The following PLD5 variants were observed in gnomAD, a reference collection of about 807,000 sequenced individuals.
PLD5 encodes the protein inactive phospholipase D5.
In PLD5, 36 loss-of-function variants were observed where a neutral mutation model predicts 61.1. The observed-to-expected ratio is 0.59, with a 90% confidence interval of 0.45 to 0.78. The LOEUF (loss-of-function observed/expected upper bound fraction) is 0.78. Among genes scored for constraint, PLD5 ranks in the 30% least tolerant of loss-of-function variants. The pLI is 0.00. For missense variants in PLD5, 515 were observed against 644.4 expected (o/e 0.80, Z 2.17); for synonymous variants, 243 against 242.8 (o/e 1.00, Z -0.01).
chr1:242,327,417 TACTG>T (rs1202584118), intron 2 of PLD5, among the ~76,000 whole-genome samples: 1 of 152,212 alleles, frequency 6.6e-6, no homozygotes, highest in Non-Finnish European at 1.5e-5. Context: ...TAGAGTTCTT[TACTG>T]ACTGCTATTT....
At chr1:242,456,560 C>A (rs1394995555) in intron 1 of PLD5, among the ~76,000 whole-genome samples, 1 of 152,090 alleles carries the variant, frequency 6.6e-6, no homozygotes, top group African/African-American at 2.4e-5. Context: ...AGCAAGTTTG[C>A]ATATTTAGAA....
intron 5 of PLD5, among the ~76,000 whole-genome samples, chr1:242,212,871 G>T (rs1669920822): frequency 6.6e-6 from 1 of 152,162 alleles, no homozygotes; most frequent in African/African-American, 2.4e-5. Flanking sequence ...CCCCTGACGT[G>T]GCTCTTTCAA....
chr1:242,225,993 C>T (rs943918980), intron 4 of PLD5, among the ~76,000 whole-genome samples: 1 of 152,186 alleles, frequency 6.6e-6, no homozygotes, highest in African/African-American at 2.4e-5. Context: ...TGCATTCCCA[C>T]CAGCAATATC....
chr1:242,085,090 G>A lies in PLD5; in HGVS notation c.*4764C>T, dbSNP rs1045890765. On this transcript the variant is annotated 3_prime_UTR_variant, in exon 10 of 10. Transcript: ENST00000536534. Reference sequence around the variant, plus strand: ...AAACCCATTTATTTAGGGATCTTAAGGTTAATAATATAGATATGTCCAGGT... The same window carrying A: ...AAACCCATTTATTTAGGGATCTTAAAGTTAATAATATAGATATGTCCAGGT... 10 of 151,900 alleles carry A rather than the reference G, an allele frequency of 6.6e-5. No homozygotes were observed. The highest frequency in any genetic ancestry group is 1.3e-4 in the Non-Finnish European group (9 of 68,004). 9.4% of individuals were successfully genotyped at this position (151,900 alleles called of 1,614,324 possible). A position where few individuals can be genotyped will look rare whatever the true frequency, so the allele number is the denominator to read the frequency against.
chr1:242,285,881 G>A (rs2149134056), intron 3 of PLD5, among the ~76,000 whole-genome samples: 1 of 152,276 alleles, frequency 6.6e-6, no homozygotes, highest in East Asian at 1.9e-4. Flanking sequence ...GCCAAGGCGG[G>A]TGGATCACTT....
At chr1:242,264,959 G>A (rs1273143900) in intron 4 of PLD5, among the ~76,000 whole-genome samples, 2 of 152,062 alleles carry the variant, frequency 1.3e-5, no homozygotes, top group Non-Finnish European at 2.9e-5. Context: ...TAAATATATA[G>A]CGTGAAAAGG....
At chr1:242,519,332 C>T (rs1382622930) in intron 1 of PLD5, among the ~76,000 whole-genome samples, 1 of 152,186 alleles carries the variant, frequency 6.6e-6, no homozygotes, top group Non-Finnish European at 1.5e-5. Flanking sequence ...CAAGTGTGCA[C>T]TTGGCATTTA....
intron 5 of PLD5, among the ~76,000 whole-genome samples, chr1:242,219,662 CCT>C (rs1446869962): frequency 6.6e-6 from 1 of 152,126 alleles, no homozygotes; most frequent in Non-Finnish European, 1.5e-5. Context: ...TGTGTTTCCC[CCT>C]GTCTCATAGA....
chr1:242,126,968 C>A (rs963587581), intron 5 of PLD5, among the ~76,000 whole-genome samples: 54 of 150,542 alleles, frequency 3.6e-4, no homozygotes, highest in African/African-American at 1.3e-3. Flanking sequence ...AAGAAAAAAA[C>A]AACCCCATAA....
chr1:242,137,071 A>G (rs192990445), intron 5 of PLD5, among the ~76,000 whole-genome samples: 3 of 152,350 alleles, frequency 2.0e-5, no homozygotes, highest in Non-Finnish European at 2.9e-5. Flanking sequence ...CAGCAGGGGA[A>G]AACAGAAAGA....
chr1:242,438,788 A>G (rs78275490), intron 1 of PLD5, among the ~76,000 whole-genome samples: 8,390 of 152,230 alleles, frequency 0.055, 694 homozygotes, highest in African/African-American at 0.18. Flanking sequence ...AAGGGGAGTC[A>G]GGGTGCTGTC....
intron 1 of PLD5, among the ~76,000 whole-genome samples, chr1:242,464,112 T>C (rs1469677967): frequency 6.6e-6 from 1 of 152,212 alleles, no homozygotes; most frequent in African/African-American, 2.4e-5. Context: ...TCCTCCTCCT[T>C]GACACAATTT....
In PLD5 at chr1:242,517,033, A is replaced by T. The variant is rs536427410; in HGVS notation, c.189+7055T>A. Among the ~76,000 whole-genome samples the T allele has an allele frequency of 5.8e-4, 88 of 152,346 alleles. 1 individual carries two copies. Among genetic ancestry groups the T allele is most frequent in the African/African-American group, 2.0e-3 (85 of 41,598 alleles). On this transcript the variant is annotated intron_variant, in intron 1 of 9. Transcript: ENST00000536534. ...AATTTCTAATAACTAAATTTTGCCT[A>T]TTGGCTTTGAATCCAGTGGTCCTGA...
chr1:242,316,713 G>A (rs1658017981), intron 2 of PLD5, among the ~76,000 whole-genome samples: 1 of 152,074 alleles, frequency 6.6e-6, no homozygotes, highest in South Asian at 2.1e-4. Context: ...TCATCACCCA[G>A]GTATTAAGCC....
At chr1:242,503,277 G>A (rs549758114) in intron 1 of PLD5, among the ~76,000 whole-genome samples, 1 of 152,082 alleles carries the variant, frequency 6.6e-6, no homozygotes, top group African/African-American at 2.4e-5. Context: ...GATCACGCGA[G>A]ATCTGGTTGT....
At position 242,104,522 on chromosome 1, in the gene PLD5, C is replaced by T. The variant is rs893205575; in HGVS notation, c.1239+3149G>A. Among the ~76,000 whole-genome samples the T allele has an allele frequency of 5.9e-5, 9 of 152,134 alleles. 1 individual carries two copies. The highest frequency in any genetic ancestry group is 8.8e-5 in the Non-Finnish European group (6 of 68,024). ...CTTCTACATGCAGACGCCATGGAGA[C>T]ATGTTTAAGAGCTCAGGTTCTGGAG... On this transcript the variant is annotated intron_variant, in intron 8 of 9. Transcript: ENST00000536534.
At chr1:242,213,288 G>C (rs1271420872) in intron 5 of PLD5, among the ~76,000 whole-genome samples, 4 of 152,140 alleles carry the variant, frequency 2.6e-5, no homozygotes, top group Non-Finnish European at 5.9e-5. Context: ...GTCCTACCAT[G>C]TGTCAGTATC....
At chr1:242,169,588 C>A (rs527848942) in intron 5 of PLD5, among the ~76,000 whole-genome samples, 4 of 152,248 alleles carry the variant, frequency 2.6e-5, no homozygotes, top group Admixed American at 1.3e-4. Flanking sequence ...GAACTATTCA[C>A]CCCCCTGCAA....
At chr1:242,167,078 GTAATAATAATAATAA>G (rs377540462) in intron 5 of PLD5, among the ~76,000 whole-genome samples, 2 of 58,664 alleles carry the variant, frequency 3.4e-5, no homozygotes, top group Non-Finnish European at 6.4e-5. Context: ...AATAATAATA[GTAATAATAATAATAA>G]TAATAATAAT....
Sources: gnomAD v4.1 joint callset for allele counts (sites outside exome capture counted in the v4.1 genomes callset) on GRCh38, gnomAD v4.1.1 for gene constraint, MANE v1.5 for transcripts, NCBI Gene and HGNC (gene_info 2026-07-23, HGNC 2026-07-21) for gene names.